ARHGEF18: variants seen among roughly 807,000 people sequenced by gnomAD.
The protein encoded by ARHGEF18 is Rho/Rac guanine nucleotide exchange factor 18, also known as rho guanine nucleotide exchange factor 18.
Under a neutral mutation model 155.7 loss-of-function variants are expected in ARHGEF18, and 93 were observed. That is an observed-to-expected ratio of 0.60 (90% CI 0.50 to 0.71). ARHGEF18 has a LOEUF of 0.71. Ranked by LOEUF, ARHGEF18 falls within the 30% of genes least tolerant of loss-of-function variation. The pLI is 0.00. For missense variants in ARHGEF18, 1,593 were observed against 1,816.1 expected (o/e 0.88, Z 2.23); for synonymous variants, 742 against 753.1 (o/e 0.99, Z 0.24).
intron 18 of ARHGEF18, among the ~76,000 whole-genome samples, chr19:7,457,757 G>A (rs1044374738): frequency 2.0e-5 from 3 of 152,046 alleles, no homozygotes; most frequent in Admixed American, 6.6e-5. Context: ...GGAACACAGT[G>A]TAGCCCACTC....
At chr19:7,403,158 T>TG (rs1439326813) in intron 10 of ARHGEF18, among the ~76,000 whole-genome samples, 1 of 152,050 alleles carries the variant, frequency 6.6e-6, no homozygotes, top group Non-Finnish European at 1.5e-5. Context: ...GGGCTACAGG[T>TG]GCAGGCCTCC....
chr19:7,477,748 G>A, the ARHGEF18 span, among the ~76,000 whole-genome samples: 70 of 152,252 alleles, frequency 4.6e-4, 1 homozygote, highest in Non-Finnish European at 4.4e-5. Flanking sequence ...AGGTGTGGAG[G>A]GAAGGGGGAA....
At chr19:7,437,471 G>A (rs1974333573) in intron 10 of ARHGEF18, among the ~76,000 whole-genome samples, 1 of 151,454 alleles carries the variant, frequency 6.6e-6, no homozygotes, top group South Asian at 2.1e-4. Flanking sequence ...CCTCTCCCAG[G>A]AGAGCTGCTG....
At chr19:7,362,110 AAGG>A (rs1377880266) in intron 1 of ARHGEF18, among the ~76,000 whole-genome samples, 1 of 24,680 alleles carries the variant, frequency 4.1e-5, no homozygotes, top group East Asian at 8.3e-4. Flanking sequence ...GGAGAAGGAG[AAGG>A]AGAAGGAGAA....
intron 26 of ARHGEF18, among the ~76,000 whole-genome samples, chr19:7,468,361 G>A (rs1271689996): frequency 1.3e-5 from 2 of 151,310 alleles, no homozygotes; most frequent in East Asian, 1.9e-4. Context: ...CCTGGGCCAC[G>A]TAGTGAGACC....
At chr19:7,365,170 G>A (rs1297745000) in intron 2 of ARHGEF18, among the ~76,000 whole-genome samples, 1 of 152,144 alleles carries the variant, frequency 6.6e-6, no homozygotes, top group Admixed American at 6.5e-5. Flanking sequence ...AGGCCGAGGC[G>A]GGCAGATCAC....
In ARHGEF18 at chr19:7,440,805, C is replaced by A. The variant is rs188358798; in HGVS notation, c.1106+323C>A. 1.3e-5 allele frequency among the ~76,000 whole-genome samples: 2 copies of A among 152,176 alleles called. No homozygotes were observed. Among genetic ancestry groups the A allele is most frequent in the East Asian group, 1.9e-4 (1 of 5,170 alleles). Reference sequence around the variant, plus strand: ...AGTCCTGCTGGGTGTGTGGAGGCGGCGTCCCATTATCTGTGCCTTACCTCG... The same window carrying A: ...AGTCCTGCTGGGTGTGTGGAGGCGGAGTCCCATTATCTGTGCCTTACCTCG... On this transcript the variant is annotated intron_variant, in intron 11 of 28. Transcript: ENST00000668164. This position sits in a 1 kb window ranked among gnomAD's most constrained non-coding sequence, Gnocchi z 5.4.
At chr19:7,469,879 G>A (rs1213999122) in intron 27 of ARHGEF18, 25 bp from the exon 28 acceptor site, 1 of 1,610,562 alleles carries the variant, frequency 6.2e-7, no homozygotes, top group Non-Finnish European at 8.5e-7. Context: ...GCCTGGAGCT[G>A]GCCCAAATAC....
At chr19:7,439,511 G>A (rs901514693) in intron 10 of ARHGEF18, among the ~76,000 whole-genome samples, 3 of 151,968 alleles carry the variant, frequency 2.0e-5, no homozygotes, top group East Asian at 1.9e-4. Flanking sequence ...GCTTGTCAGC[G>A]GGCACACGTA....
chr19:7,414,156 C>T (rs1972854615), intron 10 of ARHGEF18, among the ~76,000 whole-genome samples: 1 of 152,082 alleles, frequency 6.6e-6, no homozygotes, highest in African/African-American at 2.4e-5. Context: ...GGCCTCCACC[C>T]ACCAGATGCC....
chr19:7,425,448 G>T (rs1205046832), intron 10 of ARHGEF18, among the ~76,000 whole-genome samples: 1 of 151,356 alleles, frequency 6.6e-6, no homozygotes. Flanking sequence ...ATTGGAGAGG[G>T]TGAGGCGGGC....
intron 10 of ARHGEF18, among the ~76,000 whole-genome samples, chr19:7,417,496 G>C (rs1023983987): frequency 6.6e-6 from 1 of 152,138 alleles, no homozygotes; most frequent in African/African-American, 2.4e-5. Context: ...TGAGGAGTTG[G>C]AGAGCAGCCT....
Position 7,440,515 on chromosome 19 carries a change from GGTGGT to G in ARHGEF18, c.1106+35_1106+39del. Reference sequence around the variant, plus strand: ...AGGGTCCCCTCTGTGCCCTCGGGTGGGTGGTGGCATTCCCCGGGGAGCTGTTGACA... The same window carrying G: ...AGGGTCCCCTCTGTGCCCTCGGGTGGGGCATTCCCCGGGGAGCTGTTGACA... On this transcript the variant is annotated intron_variant, in intron 11 of 28. Coordinates refer to ENST00000668164, the MANE Select transcript of ARHGEF18 (RefSeq NM_001367823.1). The surrounding 1 kb of genome is among the most constrained non-coding windows in gnomAD (Gnocchi z 5.4). 1 of 1,568,650 alleles carries G rather than the reference GGTGGT, an allele frequency of 6.4e-7. No individual in the cohort carries two copies.
rs1359871355 is a variant in ARHGEF18, at chr19:7,441,707, G to C, written c.1161G>C (p.Gln387His). Reference sequence around the variant, plus strand: ...ATTCTGCGTTTTTAAAATTTAAGCAGACAGCTGATGACTCTCTGTCCCTTA... The same window carrying C: ...ATTCTGCGTTTTTAAAATTTAAGCACACAGCTGATGACTCTCTGTCCCTTA... ...EADSAFLKFK[Q>H]TADDSLSLTS... The change falls in exon 12 of 29, where the codon CAG becomes CAC. Residue 387 changes from glutamine to histidine, a missense_variant. Transcript: ENST00000668164. 6.2e-7 allele frequency: 1 copy of C among 1,614,208 alleles called. No homozygotes were observed. Among genetic ancestry groups the C allele is most frequent in the Non-Finnish European group, 8.5e-7 (1 of 1,180,036 alleles).
intron 15 of ARHGEF18, among the ~76,000 whole-genome samples, chr19:7,449,282 A>G (rs901150216): frequency 2.6e-5 from 4 of 152,196 alleles, no homozygotes; most frequent in African/African-American, 7.2e-5. Context: ...AGCATCAGAA[A>G]GCACCCAGGC....
chr19:7,458,406 G>T, intron 18 of ARHGEF18, 106 bp from the exon 19 acceptor site: 3 of 998,874 alleles, frequency 3.0e-6, no homozygotes, highest in South Asian at 2.3e-5. Context: ...AAGAAATGAG[G>T]AGCGTGACCC....
Position 7,471,535 on chromosome 19 carries a change from C to A in ARHGEF18, c.*1237C>A, listed in dbSNP as rs1234940935. 6.6e-6 allele frequency: 1 copy of A among 152,256 alleles called. No individual in the cohort carries two copies. The highest frequency in any genetic ancestry group is 1.5e-5 in the Non-Finnish European group (1 of 68,074). The allele number at this position is 152,256 out of a possible 1,614,324, so 9.4% of individuals were successfully genotyped here. On this transcript the variant is annotated 3_prime_UTR_variant, in exon 29 of 29. Coordinates refer to ENST00000668164, the MANE Select transcript of ARHGEF18 (RefSeq NM_001367823.1). The surrounding 1 kb of genome is among the most constrained non-coding windows in gnomAD (Gnocchi z 4.4). ...TTGTTCCCAGTGGGGTACATGTGAG[C>A]CCCTGCCAGGGCCAAGTCCTTCTCC...
At chr19:7,478,395 A>G in the ARHGEF18 span, 19 of 1,602,904 alleles carry the variant, frequency 1.2e-5, no homozygotes, top group South Asian at 2.1e-4. Context: ...CCAGAGCCCG[A>G]GGGAGGATGC....
chr19:7,419,432 TCC>T (rs79860019), intron 10 of ARHGEF18, among the ~76,000 whole-genome samples: 5,360 of 146,386 alleles, frequency 0.037, 302 homozygotes, highest in East Asian at 0.21. Context: ...CCACACTTAG[TCC>T]CCCCACACCC....
Sources: allele counts gnomAD v4.1 joint callset (sites outside exome capture counted in the v4.1 genomes callset), GRCh38; gene constraint gnomAD v4.1.1; non-coding constraint Gnocchi (gnomAD v3.1); transcripts MANE v1.5; gene names NCBI Gene and HGNC (gene_info 2026-07-23, HGNC 2026-07-21).